Variants in SCRG1 observed in about 807,000 individuals in gnomAD.
The protein encoded by SCRG1 is scrapie-responsive protein 1.
Under a neutral mutation model 7.7 loss-of-function variants are expected in SCRG1, and 3 were observed. The ratio of observed to expected loss-of-function variants is 0.39; its 90% confidence interval spans 0.18 to 1.01. The LOEUF is 1.01. Ranked by LOEUF, SCRG1 falls within the 50% of genes least tolerant of loss-of-function variation. SCRG1 has a pLI of 0.36. For missense variants in SCRG1, 110 were observed against 117.2 expected (o/e 0.94, Z 0.28); for synonymous variants, 46 against 41.2 (o/e 1.12, Z -0.44).
chr4:173,419,521 A>G, the SCRG1 span: 5 of 735,414 alleles, frequency 6.8e-6, no homozygotes, highest in East Asian at 2.5e-5. Flanking sequence ...AGCGCAGGTC[A>G]TCTGCAAACT....
At chr4:173,417,421 T>G in the SCRG1 span, among the ~76,000 whole-genome samples, 3 of 152,164 alleles carry the variant, frequency 2.0e-5, no homozygotes, top group Non-Finnish European at 4.4e-5. Context: ...ATGCCCCAGT[T>G]GCCCCCTAAG....
chr4:173,491,616 G>T, the SCRG1 span, among the ~76,000 whole-genome samples: 5 of 152,180 alleles, frequency 3.3e-5, no homozygotes, highest in African/African-American at 1.2e-4. Flanking sequence ...CAAGTACAGG[G>T]TTCTAAGGTG....
the SCRG1 span, among the ~76,000 whole-genome samples, chr4:173,479,722 G>A: frequency 6.6e-6 from 1 of 152,064 alleles, no homozygotes; most frequent in African/African-American, 2.4e-5. Flanking sequence ...TTACAGGCGT[G>A]AGCCACCATG....
chr4:173,439,145 A>G, the SCRG1 span, among the ~76,000 whole-genome samples: 1 of 152,222 alleles, frequency 6.6e-6, no homozygotes, highest in Non-Finnish European at 1.5e-5. Context: ...TGGCAGAGTC[A>G]CAAGATGGAA....
chr4:173,451,408 A>C, the SCRG1 span, among the ~76,000 whole-genome samples: 2 of 151,850 alleles, frequency 1.3e-5, no homozygotes, highest in African/African-American at 4.8e-5. Context: ...CTCCATTCAG[A>C]AAGCTGCCTG....
chr4:173,509,220 AAAG>A, the SCRG1 span, among the ~76,000 whole-genome samples: 1 of 152,142 alleles, frequency 6.6e-6, no homozygotes, highest in Non-Finnish European at 1.5e-5. The surrounding 1 kb of genome is among the most constrained non-coding windows in gnomAD (Gnocchi z 5.7). Context: ...GGCACTGGAG[AAAG>A]AAGAGAGGGT....
chr4:173,432,100 A>G, the SCRG1 span, among the ~76,000 whole-genome samples: 9 of 152,344 alleles, frequency 5.9e-5, no homozygotes, highest in African/African-American at 2.2e-4. Flanking sequence ...GTGGTTGCAC[A>G]TTGTGATGTT....
the SCRG1 span, among the ~76,000 whole-genome samples, chr4:173,483,263 CATATATGATATATAATATATGAT>C: frequency 1.4e-4 from 3 of 21,306 alleles, no homozygotes; most frequent in African/African-American, 3.2e-4. Context: ...TATGATATAT[CATATATGATATATAATATATGAT>C]ATATCATATA....
chr4:173,500,724 G>A, the SCRG1 span, among the ~76,000 whole-genome samples: 6 of 152,000 alleles, frequency 3.9e-5, no homozygotes, highest in Non-Finnish European at 7.3e-5. Context: ...GAGCTCAAGG[G>A]ATCCACCCGC....
At chr4:173,484,969 TATA>T in the SCRG1 span, among the ~76,000 whole-genome samples, 1 of 53,550 alleles carries the variant, frequency 1.9e-5, no homozygotes, top group Non-Finnish European at 3.1e-5. Context: ...ATATATTATA[TATA>T]ATATTATAAA....
At chr4:173,484,395 T>TTATATATTATATACATATAATATATAA in the SCRG1 span, among the ~76,000 whole-genome samples, 1 of 70,946 alleles carries the variant, frequency 1.4e-5, no homozygotes, top group East Asian at 4.6e-4. Context: ...ATTTTATACA[T>TTATATATTATATACATATAATATATAA]TATATATTAT....
the SCRG1 span, among the ~76,000 whole-genome samples, chr4:173,426,757 C>T: frequency 6.6e-6 from 1 of 152,188 alleles, no homozygotes; most frequent in South Asian, 2.1e-4. Context: ...ATGTGAGGCA[C>T]CTTACCTGGC....
chr4:173,417,055 C>T, the SCRG1 span, among the ~76,000 whole-genome samples: 1 of 150,852 alleles, frequency 6.6e-6, no homozygotes, highest in Non-Finnish European at 1.5e-5. Context: ...CACACACAAT[C>T]ACATCTTCAC....
At chr4:173,388,630 C>A (rs533122176) in intron 2 of SCRG1, among the ~76,000 whole-genome samples, 8 of 151,986 alleles carry the variant, frequency 5.3e-5, no homozygotes, top group African/African-American at 1.9e-4. Flanking sequence ...CTGTCATTTA[C>A]GAAGAAAAAG....
At chr4:173,484,782 C>CATATTATATATTAT in the SCRG1 span, among the ~76,000 whole-genome samples, 1 of 77,676 alleles carries the variant, frequency 1.3e-5, no homozygotes, top group Non-Finnish European at 2.2e-5. Context: ...ATATTATATA[C>CATATTATATATTAT]ATGTAATACA....
At chr4:173,458,513 G>A in the SCRG1 span, among the ~76,000 whole-genome samples, 1 of 152,152 alleles carries the variant, frequency 6.6e-6, no homozygotes, top group Non-Finnish European at 1.5e-5. Context: ...TACAGGAAAT[G>A]CTCAAAGGAG....
chr4:173,476,363 A>AAAAAATATATATATATATATATATAT, the SCRG1 span, among the ~76,000 whole-genome samples: 35 of 98,484 alleles, frequency 3.6e-4, no homozygotes, highest in East Asian at 1.1e-3. Flanking sequence ...GGAAAAAAAA[A>AAAAAATATATATATATATATATATAT]ATATATATAT....
At chr4:173,508,887 C>T in the SCRG1 span, among the ~76,000 whole-genome samples, 1 of 152,180 alleles carries the variant, frequency 6.6e-6, no homozygotes, top group African/African-American at 2.4e-5. This position sits in a 1 kb window ranked among gnomAD's most constrained non-coding sequence, Gnocchi z 4.4. Context: ...TGTTGGGCGG[C>T]TTTGTCAGTT....
the SCRG1 span, among the ~76,000 whole-genome samples, chr4:173,492,720 AT>A: frequency 6.6e-6 from 1 of 152,142 alleles, no homozygotes; most frequent in Non-Finnish European, 1.5e-5. Context: ...GCCCATACTT[AT>A]GTCTCCCAGA....
Sources: gnomAD v4.1 joint callset for allele counts (sites outside exome capture counted in the v4.1 genomes callset) on GRCh38, gnomAD v4.1.1 for gene constraint, Gnocchi (gnomAD v3.1) non-coding constraint, MANE v1.5 for transcripts, NCBI Gene and HGNC (gene_info 2026-07-23, HGNC 2026-07-21) for gene names.